Variants in CHST9 observed in about 807,000 individuals in gnomAD.
The protein encoded by CHST9 is carbohydrate sulfotransferase 9, also known as GalNAc-4-sulfotransferase 2.
In CHST9, 41 loss-of-function variants were observed where a neutral mutation model predicts 44.4. The observed-to-expected ratio is 0.92, with a 90% confidence interval of 0.72 to 1.20. The LOEUF (loss-of-function observed/expected upper bound fraction) is 1.20. Ranked by LOEUF, CHST9 falls within the 50% of genes most tolerant of loss-of-function variation. The pLI is 0.00. For missense variants in CHST9, 504 were observed against 516.5 expected, an observed-to-expected ratio of 0.98 and a Z score of 0.23; for synonymous variants, 171 against 178.4, an observed-to-expected ratio of 0.96 and a Z score of 0.33.
At position 26,932,066 on chromosome 18, in the gene CHST9, G is replaced by A. The variant is rs559921345; in HGVS notation, c.240+12263C>T. On this transcript the variant is annotated intron_variant, in intron 5 of 5. Transcript: ENST00000618847. ...TTACCTTGAGGTAGCCAAATGTGCC[G>A]GAGTCAACTCTAGTTAGAATGAATG... 5.9e-5 allele frequency among the ~76,000 whole-genome samples: 9 copies of A among 152,032 alleles called. No homozygotes were observed. In the East Asian group the frequency reaches 1.6e-3, roughly 26 times the overall value.
chr18:27,152,885 A>T (rs9646563), intron 1 of CHST9, among the ~76,000 whole-genome samples: 48,290 of 151,950 alleles, frequency 0.32, 8,308 homozygotes, highest in Non-Finnish European at 0.39. Context: ...ATGAGCTAAG[A>T]TAACTATGGA....
At chr18:27,082,692 T>C (rs2057972217) in intron 2 of CHST9, among the ~76,000 whole-genome samples, 2 of 152,218 alleles carry the variant, frequency 1.3e-5, no homozygotes, top group Non-Finnish European at 2.9e-5. Context: ...TGTCATTTAC[T>C]TGAAGTTTTA....
chr18:27,157,213 T>C (rs1038340943), intron 1 of CHST9, among the ~76,000 whole-genome samples: 11 of 152,038 alleles, frequency 7.2e-5, no homozygotes, highest in African/African-American at 2.4e-4. Context: ...TCCTTCATCA[T>C]ATATTATCTA....
chr18:27,123,658 T>C (rs1460744111), intron 2 of CHST9, among the ~76,000 whole-genome samples: 2 of 152,226 alleles, frequency 1.3e-5, no homozygotes, highest in Non-Finnish European at 2.9e-5. Context: ...TTAGAATTGC[T>C]GGTGAGCAGT....
At chr18:26,965,761 A>G (rs1305122235) in intron 4 of CHST9, among the ~76,000 whole-genome samples, 1 of 152,222 alleles carries the variant, frequency 6.6e-6, no homozygotes, top group African/African-American at 2.4e-5. Flanking sequence ...GTTAAGGGTA[A>G]GAAGATCTTA....
chr18:27,003,114 TTTG>T (rs367855648), intron 4 of CHST9, among the ~76,000 whole-genome samples: 108 of 152,254 alleles, frequency 7.1e-4, no homozygotes, highest in African/African-American at 2.6e-3. Flanking sequence ...GGAAATAACA[TTTG>T]TTGTTTGCGT....
intron 5 of CHST9, among the ~76,000 whole-genome samples, chr18:26,938,713 T>C (rs970043625): frequency 6.6e-6 from 1 of 152,198 alleles, no homozygotes; most frequent in Non-Finnish European, 1.5e-5. Flanking sequence ...GCAGGCAATA[T>C]GGATATGGAC....
Position 26,906,560 on chromosome 18 carries a change from A to G in CHST9, c.*9699T>C, listed in dbSNP as rs1243934881. On this transcript the variant is annotated 3_prime_UTR_variant, in exon 6 of 6. Coordinates refer to ENST00000618847, the MANE Select transcript of CHST9 (RefSeq NM_031422.6). Reference sequence around the variant, plus strand: ...ATTTCCCATACCCCCCTTACTAGGTAGGTATTCTATCCTCAGTTTTCAGAT... The same window carrying G: ...ATTTCCCATACCCCCCTTACTAGGTGGGTATTCTATCCTCAGTTTTCAGAT... 6.6e-6 allele frequency: 1 copy of G among 152,194 alleles called. No individual in the cohort carries two copies. The highest frequency in any genetic ancestry group is 1.5e-5 in the Non-Finnish European group (1 of 68,032). The allele number at this position is 152,194 out of a possible 1,614,324, so 9.4% of individuals were successfully genotyped here. A position where few individuals can be genotyped will look rare whatever the true frequency, so the allele number is the denominator to read the frequency against.
chr18:27,002,310 C>T (rs1333153550), intron 4 of CHST9, among the ~76,000 whole-genome samples: 1 of 151,988 alleles, frequency 6.6e-6, no homozygotes, highest in Non-Finnish European at 1.5e-5. Context: ...TAGCCTCCTG[C>T]AACAAAAACT....
chr18:27,090,683 T>C (rs971595712), intron 2 of CHST9, among the ~76,000 whole-genome samples: 4 of 152,160 alleles, frequency 2.6e-5, no homozygotes, highest in African/African-American at 9.6e-5. Flanking sequence ...GTTTTCCCAG[T>C]ACCATTTATT....
intron 4 of CHST9, among the ~76,000 whole-genome samples, chr18:26,975,434 C>G (rs2056605468): frequency 6.6e-6 from 1 of 151,822 alleles, no homozygotes; most frequent in Non-Finnish European, 1.5e-5. Context: ...TCCCACTGCC[C>G]CCACCACTCC....
intron 4 of CHST9, among the ~76,000 whole-genome samples, chr18:27,020,449 T>TA (rs1454779569): frequency 2.0e-5 from 3 of 152,188 alleles, no homozygotes; most frequent in Non-Finnish European, 4.4e-5. Flanking sequence ...GAGAAGAAAA[T>TA]ACTCTCGGTC....
intron 2 of CHST9, among the ~76,000 whole-genome samples, chr18:27,097,748 T>C (rs557208677): frequency 6.6e-6 from 1 of 152,198 alleles, no homozygotes; most frequent in South Asian, 2.1e-4. Flanking sequence ...CCATCTTGAG[T>C]TAATTTTTGT....
At chr18:27,032,329 A>G (rs2057350050) in intron 3 of CHST9, among the ~76,000 whole-genome samples, 1 of 152,184 alleles carries the variant, frequency 6.6e-6, no homozygotes, top group African/African-American at 2.4e-5. Flanking sequence ...CAAAACACAC[A>G]GAGACATACA....
intron 2 of CHST9, among the ~76,000 whole-genome samples, chr18:27,135,689 TG>T (rs1285966214): frequency 1.3e-4 from 20 of 152,182 alleles, no homozygotes; most frequent in African/African-American, 4.8e-4. Context: ...TTAGCATCTC[TG>T]GGGAGGAGGC....
chr18:26,972,552 G>A (rs2056563422), intron 4 of CHST9, among the ~76,000 whole-genome samples: 1 of 152,104 alleles, frequency 6.6e-6, no homozygotes, highest in Non-Finnish European at 1.5e-5. Context: ...CCAGTGTGGT[G>A]GAGCAGATGG....
chr18:26,936,549 G>A (rs1049215502), intron 5 of CHST9: 1 of 152,102 alleles, frequency 6.6e-6, no homozygotes, highest in Non-Finnish European at 1.5e-5. Flanking sequence ...ACTCAATACT[G>A]AACGGCTCTA....
At chr18:27,083,115 A>G (rs1392937107) in intron 2 of CHST9, among the ~76,000 whole-genome samples, 1 of 152,148 alleles carries the variant, frequency 6.6e-6, no homozygotes, top group African/African-American at 2.4e-5. Context: ...AATGGTATGT[A>G]TATATAAGTA....
Position 26,916,534 on chromosome 18 carries a change from C to T in CHST9, c.1057G>A (p.Val353Ile), listed in dbSNP as rs2055527248. 6.2e-7 allele frequency: 1 copy of T among 1,613,872 alleles called. No individual in the cohort carries two copies. The highest frequency in any genetic ancestry group is 8.5e-7 in the Non-Finnish European group (1 of 1,179,812). ...AAACACGGATAGCAGAGTTTGCTGA[C>T]CTTTTCCCAGTGAATGTCCATTCCT... is the stretch of plus-strand genomic sequence containing the variant. The part of the protein sequence containing the change: ...PVGMDIHWEK[V>I]SKLCYPCLIN... The change falls in exon 6 of 6, where the codon GTC becomes ATC. Residue 353 changes from valine to isoleucine, a missense_variant. Transcript: ENST00000618847.
Sources: allele counts gnomAD v4.1 joint callset (sites outside exome capture counted in the v4.1 genomes callset), GRCh38; gene constraint gnomAD v4.1.1; transcripts MANE v1.5; gene names NCBI Gene and HGNC (gene_info 2026-07-23, HGNC 2026-07-21).